Variants in FOXP2 observed in about 807,000 individuals in gnomAD.
FOXP2 encodes forkhead box P2, also known as forkhead box protein P2.
FOXP2 carries 12 observed loss-of-function variants against 115.8 expected under a neutral mutation model. The observed-to-expected ratio is 0.10, with a 90% CI of 0.07 to 0.17. The LOEUF (loss-of-function observed/expected upper bound fraction) is 0.17, where lower values mean the gene tolerates loss of function less well. Among genes scored for constraint, FOXP2 ranks in the 10% least tolerant of loss-of-function variants. The pLI is 1.00. For synonymous variants in FOXP2, 328 were observed against 297.7 expected (o/e 1.10, Z -1.05); for missense variants, 629 against 843.5 (o/e 0.75, Z 3.15).
At chr7:114,112,482 A>C (rs1005662863) in intron 1 of FOXP2, among the ~76,000 whole-genome samples, 1 of 151,936 alleles carries the variant, frequency 6.6e-6, no homozygotes, top group African/African-American at 2.4e-5. Flanking sequence ...TGTTTTTTGT[A>C]GAGATGGGGT....
intron 2 of FOXP2, among the ~76,000 whole-genome samples, chr7:114,481,804 C>A (rs1019764156): frequency 2.7e-5 from 4 of 147,996 alleles, no homozygotes; most frequent in East Asian, 2.0e-4. Context: ...ATCTATCTAT[C>A]TATCTATATA....
At chr7:114,473,107 G>T (rs1447370181) in intron 2 of FOXP2, among the ~76,000 whole-genome samples, 2 of 152,126 alleles carry the variant, frequency 1.3e-5, no homozygotes, top group African/African-American at 4.8e-5. Flanking sequence ...AGTTTTATTT[G>T]CAATAATACA....
At chr7:114,537,570 CA>C (rs1461023251) in intron 3 of FOXP2, among the ~76,000 whole-genome samples, 2 of 151,520 alleles carry the variant, frequency 1.3e-5, no homozygotes, top group Non-Finnish European at 3.0e-5. Context: ...TGACATGGTA[CA>C]GAGTCTATTT....
intron 7 of FOXP2, among the ~76,000 whole-genome samples, 189 bp downstream of exon 7, chr7:114,642,812 A>ATATATATTTTTTTTT (rs1308357594): frequency 1.4e-5 from 1 of 72,436 alleles, no homozygotes; most frequent in African/African-American, 7.1e-5. Context: ...ATATATATAT[A>ATATATATTTTTTTTT]TTTTTTTTTT....
At chr7:114,443,758 C>G (rs1794711006) in intron 2 of FOXP2, among the ~76,000 whole-genome samples, 1 of 152,142 alleles carries the variant, frequency 6.6e-6, no homozygotes, top group East Asian at 1.9e-4. Flanking sequence ...TGATCTCACT[C>G]TTTTTAAGGC....
chr7:114,233,705 T>G (rs934072081), intron 1 of FOXP2, among the ~76,000 whole-genome samples: 1 of 152,178 alleles, frequency 6.6e-6, no homozygotes, highest in African/African-American at 2.4e-5. Context: ...CAAACTGTAG[T>G]AATATGATGA....
intron 1 of FOXP2, among the ~76,000 whole-genome samples, chr7:114,155,762 C>T (rs1449308118): frequency 6.6e-6 from 1 of 152,060 alleles, no homozygotes; most frequent in Admixed American, 6.6e-5. Context: ...AGTTTTAAAG[C>T]AGGAGTGAAA....
intron 2 of FOXP2, among the ~76,000 whole-genome samples, chr7:114,289,643 T>G (rs1584610950): frequency 6.6e-6 from 1 of 152,012 alleles, no homozygotes; most frequent in East Asian, 1.9e-4. Flanking sequence ...TGAAAGAAAC[T>G]ATTTTTTAAA....
chr7:114,260,753 G>A (rs934448490), intron 1 of FOXP2, among the ~76,000 whole-genome samples: 1 of 151,874 alleles, frequency 6.6e-6, no homozygotes, highest in Non-Finnish European at 1.5e-5. Flanking sequence ...AATTTAAAAT[G>A]AGTTCAGACA....
chr7:114,423,127 T>A (rs1462522901), intron 1 of FOXP2, among the ~76,000 whole-genome samples: 1 of 151,752 alleles, frequency 6.6e-6, no homozygotes, highest in African/African-American at 2.4e-5. Flanking sequence ...ATTTGAAACA[T>A]GTCAAACACA....
intron 16 of FOXP2, chr7:114,664,792 A>G (rs895614732): frequency 1.1e-5 from 3 of 280,572 alleles, no homozygotes; most frequent in African/African-American, 6.7e-5. Context: ...ATAAGTTGTT[A>G]TAATTTTTAC....
At chr7:114,089,513 T>G (rs559110819) in intron 1 of FOXP2, among the ~76,000 whole-genome samples, 2 of 152,074 alleles carry the variant, frequency 1.3e-5, no homozygotes, top group Non-Finnish European at 2.9e-5. Flanking sequence ...TTTGGGATAT[T>G]GTTTTTATAT....
At chr7:114,155,818 G>A (rs1792651804) in intron 1 of FOXP2, among the ~76,000 whole-genome samples, 1 of 152,114 alleles carries the variant, frequency 6.6e-6, no homozygotes, top group African/African-American at 2.4e-5. Flanking sequence ...AGTATGCATA[G>A]AAGAGGGCCA....
chr7:114,102,698 AC>A (rs1791014236), intron 1 of FOXP2, among the ~76,000 whole-genome samples: 1 of 73,046 alleles, frequency 1.4e-5, no homozygotes, highest in Admixed American at 1.2e-4. Context: ...ACCACACACC[AC>A]ACACACACAC....
intron 1 of FOXP2, among the ~76,000 whole-genome samples, chr7:114,118,418 C>T (rs1009674886): frequency 1.1e-4 from 16 of 149,880 alleles, no homozygotes; most frequent in African/African-American, 3.4e-4. Flanking sequence ...TAGTAAATGA[C>T]GGGTTATATA....
At chr7:114,252,327 C>T (rs1584580090) in intron 1 of FOXP2, among the ~76,000 whole-genome samples, 1 of 152,070 alleles carries the variant, frequency 6.6e-6, no homozygotes, top group Non-Finnish European at 1.5e-5. Flanking sequence ...AGGGAGGATT[C>T]CCTCTTTTTC....
intron 2 of FOXP2, among the ~76,000 whole-genome samples, chr7:114,456,059 C>A (rs951693917): frequency 1.3e-5 from 2 of 152,194 alleles, no homozygotes; most frequent in African/African-American, 4.8e-5. Flanking sequence ...AAGCCCCTCC[C>A]CTCACTCTCA....
intron 14 of FOXP2, 126 bp downstream of exon 14, chr7:114,662,312 C>T: frequency 7.6e-7 from 1 of 1,320,812 alleles, no homozygotes; most frequent in South Asian, 1.2e-5. Flanking sequence ...TGGCAATGAA[C>T]TGCATTTTGA....
chr7:114,344,170 AC>A (rs1309636638), intron 2 of FOXP2, among the ~76,000 whole-genome samples: 4 of 151,868 alleles, frequency 2.6e-5, no homozygotes, highest in Non-Finnish European at 5.9e-5. Flanking sequence ...CATGTTGATT[AC>A]ACAAGATACG....
Sources: gnomAD v4.1 joint callset for allele counts (sites outside exome capture counted in the v4.1 genomes callset) on GRCh38, gnomAD v4.1.1 for gene constraint, MANE v1.5 for transcripts, NCBI Gene and HGNC (gene_info 2026-07-23, HGNC 2026-07-21) for gene names.